Variants in MGAT5 observed in about 807,000 individuals in gnomAD.
MGAT5 encodes the protein alpha-1,6-mannosylglycoprotein 6-beta-N-acetylglucosaminyltransferase, also known as alpha-1,6-mannosylglycoprotein 6-beta-N-acetylglucosaminyltransferase A.
Under a neutral mutation model 94.3 loss-of-function variants are expected in MGAT5, and 30 were observed. That is an observed-to-expected ratio of 0.32 (90% CI 0.24 to 0.43). The LOEUF is 0.43. Among genes scored for constraint, MGAT5 ranks in the 20% least tolerant of loss-of-function variants. The pLI is 1.00. For synonymous variants in MGAT5, 310 were observed against 322.9 expected (o/e 0.96, Z 0.43); for missense variants, 691 against 905.5 (o/e 0.76, Z 3.04).
chr2:134,419,614 C>T (rs1684187238), intron 12 of MGAT5, among the ~76,000 whole-genome samples: 1 of 147,950 alleles, frequency 6.8e-6, no homozygotes, highest in Admixed American at 6.9e-5. Flanking sequence ...GATTGATATA[C>T]AATGAAGTAT....
intron 10 of MGAT5, among the ~76,000 whole-genome samples, chr2:134,398,919 G>C (rs78210198): frequency 0.021 from 3,265 of 152,278 alleles, 125 homozygotes; most frequent in African/African-American, 0.074. Flanking sequence ...GGGAAAAGGG[G>C]TAGGTGGGAA....
intron 2 of MGAT5, among the ~76,000 whole-genome samples, chr2:134,283,735 C>T (rs1684844081): frequency 1.4e-5 from 2 of 146,404 alleles, no homozygotes; most frequent in African/African-American, 2.6e-5. Flanking sequence ...AGAATCCCAC[C>T]GTGAAGTTGT....
chr2:134,362,260 T>C lies in MGAT5; in HGVS notation c.1247-15T>C. On this transcript the variant is annotated splice_polypyrimidine_tract_variant and intron_variant, in intron 9 of 15. Coordinates refer to ENST00000281923, the MANE Select transcript of MGAT5 (RefSeq NM_002410.5). ...ATTGGACACTAACTGTCCTCTCCATTTCTTTGCACACCAGCTCATACCCCA... is the reference window on the plus strand; with the variant it reads ...ATTGGACACTAACTGTCCTCTCCATCTCTTTGCACACCAGCTCATACCCCA... 1 of 1,611,958 alleles carries C rather than the reference T, an allele frequency of 6.2e-7. No homozygotes were observed.
rs1401474001 is a variant in MGAT5, at chr2:134,254,372, G to A, written c.-32G>A. The A allele has an allele frequency of 1.9e-6, 3 of 1,612,702 alleles. No homozygotes were observed. Among genetic ancestry groups the A allele is most frequent in the East Asian group, 2.2e-5 (1 of 44,868 alleles). The stretch of plus-strand genomic sequence containing the variant: ...TTTGTGTCTATCTTCTACGCGTTAA[G>A]AGCCAAGGACAGGTGAAGTTGCCAG... On this transcript the variant is annotated 5_prime_UTR_variant, in exon 1 of 16. Transcript: ENST00000281923.
At chr2:134,166,321 C>T (rs949045111) in intron 1 of MGAT5, among the ~76,000 whole-genome samples, 1 of 152,190 alleles carries the variant, frequency 6.6e-6, no homozygotes, top group African/African-American at 2.4e-5. Flanking sequence ...CAAGTTTATT[C>T]GTGCATAGTG....
intron 4 of MGAT5, among the ~76,000 whole-genome samples, chr2:134,333,235 C>T (rs1191953001): frequency 6.6e-6 from 1 of 151,946 alleles, no homozygotes; most frequent in South Asian, 2.1e-4. Context: ...ACATATACAC[C>T]GTGGAATACT....
At chr2:134,371,391 G>T (rs1284054522) in intron 10 of MGAT5, among the ~76,000 whole-genome samples, 1 of 152,134 alleles carries the variant, frequency 6.6e-6, no homozygotes, top group Non-Finnish European at 1.5e-5. Context: ...ATAAGGGTGG[G>T]AGGAAAATAA....
chr2:134,205,505 C>T (rs1405069097), intron 1 of MGAT5, among the ~76,000 whole-genome samples: 1 of 152,156 alleles, frequency 6.6e-6, no homozygotes, highest in African/African-American at 2.4e-5. Flanking sequence ...CTTGCTGGAG[C>T]AGCCGGAGTG....
chr2:134,334,882 C>T (rs941131516), intron 4 of MGAT5, among the ~76,000 whole-genome samples: 1 of 152,030 alleles, frequency 6.6e-6, no homozygotes, highest in Non-Finnish European at 1.5e-5. Context: ...TTTAGCTTTC[C>T]TTGTGGGGAA....
intron 4 of MGAT5, among the ~76,000 whole-genome samples, chr2:134,320,762 T>C (rs1687266206): frequency 6.6e-6 from 1 of 152,202 alleles, no homozygotes; most frequent in African/African-American, 2.4e-5. Flanking sequence ...GCCTCTCTTT[T>C]CTTTGCCATA....
intron 1 of MGAT5, among the ~76,000 whole-genome samples, chr2:134,150,801 A>G (rs1275840155): frequency 1.3e-5 from 2 of 152,250 alleles, no homozygotes; most frequent in Non-Finnish European, 2.9e-5. Flanking sequence ...TAGGAGTCAC[A>G]AAAATATGGA....
chr2:134,429,050 CAAAAGCAACACAGAGCT>C (rs1227847816), intron 14 of MGAT5, among the ~76,000 whole-genome samples: 1 of 152,268 alleles, frequency 6.6e-6, no homozygotes, highest in Admixed American at 6.5e-5. Flanking sequence ...CCTTGGACTT[CAAAAGCAACACAGAGCT>C]AGAAATAGAC....
At chr2:134,396,401 C>T (rs1682708890) in intron 10 of MGAT5, among the ~76,000 whole-genome samples, 2 of 152,086 alleles carry the variant, frequency 1.3e-5, no homozygotes, top group African/African-American at 4.8e-5. Context: ...ACTTCAGGAG[C>T]AAGCAGATGA....
At chr2:134,291,896 C>T (rs1475323907) in intron 2 of MGAT5, among the ~76,000 whole-genome samples, 1 of 152,142 alleles carries the variant, frequency 6.6e-6, no homozygotes, top group Non-Finnish European at 1.5e-5. Context: ...CTTCGTCTCT[C>T]CCTTTATATC....
At chr2:134,194,480 T>C (rs1317103301) in intron 1 of MGAT5, among the ~76,000 whole-genome samples, 1 of 152,184 alleles carries the variant, frequency 6.6e-6, no homozygotes, top group Non-Finnish European at 1.5e-5. Flanking sequence ...GGGTGGAATA[T>C]TACCTCTAAG....
intron 1 of MGAT5, among the ~76,000 whole-genome samples, chr2:134,209,182 A>ATTTTT (rs1680188742): frequency 3.3e-5 from 1 of 30,502 alleles, no homozygotes; most frequent in Non-Finnish European, 4.4e-5. Context: ...TTTTTTTTTT[A>ATTTTT]TTTTTTAATT....
Position 134,341,779 on chromosome 2 carries a change from A to T in MGAT5, c.977+20A>T, listed in dbSNP as rs775555496. 1.3e-6 allele frequency: 2 copies of T among 1,579,428 alleles called. No homozygotes were observed. The highest frequency in any genetic ancestry group is 2.7e-5 in the African/African-American group (2 of 72,844). On this transcript the variant is annotated intron_variant, in intron 7 of 15. Transcript: ENST00000281923. ...CAAGGAGTAAGGAGATTACTTTTCA[A>T]TTTTAAAATCAGAATACAAAAAAGA...
chr2:134,202,647 G>A (rs1230360415), intron 1 of MGAT5, among the ~76,000 whole-genome samples: 1 of 152,214 alleles, frequency 6.6e-6, no homozygotes, highest in Non-Finnish European at 1.5e-5. Flanking sequence ...GGGGATGGGT[G>A]GGGTAGGAAT....
intron 1 of MGAT5, among the ~76,000 whole-genome samples, chr2:134,152,169 T>C (rs1453805303): frequency 2.2e-3 from 109 of 49,612 alleles, no homozygotes; most frequent in African/African-American, 4.0e-3. Context: ...TGGGACCTCA[T>C]TCACTCACAC....
Sources: allele counts gnomAD v4.1 joint callset (sites outside exome capture counted in the v4.1 genomes callset), GRCh38; gene constraint gnomAD v4.1.1; transcripts MANE v1.5; gene names NCBI Gene and HGNC (gene_info 2026-07-23, HGNC 2026-07-21).